Variants in TUSC3 observed in about 807,000 individuals in gnomAD.
The protein encoded by TUSC3 is tumor suppressor candidate 3.
In TUSC3, 45 loss-of-function variants were observed where a neutral mutation model predicts 44.8. The ratio of observed to expected loss-of-function variants is 1.00; its 90% CI spans 0.79 to 1.29. The LOEUF is 1.29. Ranked by LOEUF, TUSC3 falls within the 50% of genes most tolerant of loss-of-function variation. The pLI is 0.00. For missense variants in TUSC3, 519 were observed against 437.9 expected (o/e 1.19, Z -1.65); for synonymous variants, 212 against 152.9 (o/e 1.39, Z -2.85).
intron 1 of TUSC3, among the ~76,000 whole-genome samples, chr8:15,554,341 A>G (rs1043288420): frequency 6.6e-6 from 1 of 151,734 alleles, no homozygotes; most frequent in African/African-American, 2.4e-5. Context: ...ATTGCTAGGC[A>G]GAAGCTTGCA....
intron 5 of TUSC3, among the ~76,000 whole-genome samples, chr8:15,673,040 C>G (rs909370267): frequency 1.3e-5 from 2 of 152,030 alleles, no homozygotes; most frequent in Non-Finnish European, 2.9e-5. Context: ...GTGATTTAAA[C>G]AAAACATGCT....
At chr8:15,637,593 T>C (rs1448336165) in intron 2 of TUSC3, among the ~76,000 whole-genome samples, 1 of 152,218 alleles carries the variant, frequency 6.6e-6, no homozygotes. Flanking sequence ...ATTTTTATTC[T>C]TTCTGATTTA....
chr8:15,786,392 A>G, the TUSC3 span, among the ~76,000 whole-genome samples: 2 of 152,242 alleles, frequency 1.3e-5, no homozygotes, highest in Non-Finnish European at 2.9e-5. Context: ...AAATATTTTA[A>G]TGTGTCTTTA....
At chr8:15,461,095 T>C (rs559213427) in intron 1 of TUSC3, among the ~76,000 whole-genome samples, 101 of 152,318 alleles carry the variant, frequency 6.6e-4, no homozygotes, top group African/African-American at 2.3e-3. Context: ...GGGGATTGCA[T>C]TGAATGTGTA....
At chr8:15,506,494 A>T (rs1334274764) in intron 2 of TUSC3, among the ~76,000 whole-genome samples, 2 of 152,202 alleles carry the variant, frequency 1.3e-5, no homozygotes, top group African/African-American at 4.8e-5. Flanking sequence ...GTTATGAAGA[A>T]ATACCAAGAC....
At position 15,581,801 on chromosome 8, in the gene TUSC3, G is replaced by A. The variant is rs577327292; in HGVS notation, c.138+41233G>A. Among the ~76,000 whole-genome samples the A allele has an allele frequency of 7.9e-4, 106 of 133,976 alleles. 1 individual carries two copies. The highest frequency in any genetic ancestry group is 3.0e-3 in the African/African-American group (95 of 31,686). 87.9% of individuals were successfully genotyped at this position (133,976 alleles called of 152,430 possible). A position where few individuals can be genotyped will look rare whatever the true frequency, so the allele number is the denominator to read the frequency against. ...TCTGTGCCCTGCCCCCAGAGGTGGA[G>A]CCTACAGAGGCAGGCAGGCCTCCTT... On this transcript the variant is annotated intron_variant, in intron 1 of 10. Coordinates refer to ENST00000503731, the MANE Select transcript of TUSC3 (RefSeq NM_006765.4).
chr8:15,555,213 A>T (rs1394912703), intron 1 of TUSC3, among the ~76,000 whole-genome samples: 13 of 103,664 alleles, frequency 1.3e-4, no homozygotes, highest in Non-Finnish European at 1.7e-4. Flanking sequence ...TAGTGGTGTG[A>T]TCTTGGCTTA....
At chr8:15,672,147 C>T (rs1197802266) in intron 5 of TUSC3, among the ~76,000 whole-genome samples, 1 of 151,932 alleles carries the variant, frequency 6.6e-6, no homozygotes, top group Non-Finnish European at 1.5e-5. Context: ...CTGAATGGAG[C>T]ATGCAGTGCC....
At chr8:15,808,618 G>A in the TUSC3 span, among the ~76,000 whole-genome samples, 1 of 152,164 alleles carries the variant, frequency 6.6e-6, no homozygotes, top group Non-Finnish European at 1.5e-5. Flanking sequence ...GAACATGGAA[G>A]ACAGAAGCAG....
intron 2 of TUSC3, among the ~76,000 whole-genome samples, chr8:15,510,694 C>G (rs956448934): frequency 2.0e-5 from 3 of 151,920 alleles, no homozygotes; most frequent in Admixed American, 6.6e-5. Flanking sequence ...ACAAACTGTT[C>G]CTGAAAATTT....
chr8:15,498,623 T>C (rs1046567957), intron 2 of TUSC3, among the ~76,000 whole-genome samples: 3 of 152,230 alleles, frequency 2.0e-5, no homozygotes, highest in Non-Finnish European at 4.4e-5. Context: ...GAGTTGGAAA[T>C]AACCTATGTT....
intron 6 of TUSC3, among the ~76,000 whole-genome samples, chr8:15,684,044 T>C (rs1020308981): frequency 6.6e-6 from 1 of 150,834 alleles, no homozygotes; most frequent in Non-Finnish European, 1.5e-5. Flanking sequence ...GGCCTGAAAA[T>C]AGGATCTTAG....
At chr8:15,810,984 T>C in the TUSC3 span, among the ~76,000 whole-genome samples, 2 of 152,186 alleles carry the variant, frequency 1.3e-5, no homozygotes, top group Non-Finnish European at 2.9e-5. Flanking sequence ...CTTATAGACA[T>C]TCTCCTTAGA....
At position 15,751,132 on chromosome 8, in the gene TUSC3, A is replaced by G. The variant is rs566748230; in HGVS notation, c.1028+2667A>G. 4.6e-5 allele frequency among the ~76,000 whole-genome samples: 7 copies of G among 152,274 alleles called. No homozygotes were observed. The South Asian group carries it at 1.0e-3, about 23-fold the overall frequency. ...TACGAGATTGACTTAGGCAAGCTAA[A>G]TAGAGTTTGGGTTGCTCTGTTAGGC... On this transcript the variant is annotated intron_variant, in intron 9 of 10. Transcript: ENST00000503731.
At chr8:15,476,652 T>G (rs1051702673) in intron 1 of TUSC3, among the ~76,000 whole-genome samples, 4 of 152,278 alleles carry the variant, frequency 2.6e-5, no homozygotes, top group Non-Finnish European at 5.9e-5. Context: ...TGGGAAAGAA[T>G]GAAGCAACAA....
intron 1 of TUSC3, among the ~76,000 whole-genome samples, chr8:15,552,742 G>A (rs1331440314): frequency 1.3e-5 from 2 of 151,648 alleles, no homozygotes; most frequent in African/African-American, 2.4e-5. Context: ...ATCTGAACTT[G>A]ATCCTGAAAT....
chr8:15,543,910 TTGTGTG>T (rs34091995), intron 1 of TUSC3, among the ~76,000 whole-genome samples: 3 of 148,806 alleles, frequency 2.0e-5, no homozygotes, highest in Non-Finnish European at 3.0e-5. Flanking sequence ...TCCCATGGAT[TTGTGTG>T]TGTGTGTGTG....
downstream of TUSC3, among the ~76,000 whole-genome samples, chr8:15,767,628 G>A (rs1266419641): frequency 6.6e-6 from 1 of 152,124 alleles, no homozygotes; most frequent in African/African-American, 2.4e-5. Context: ...GAAGACTGCA[G>A]CCTGCATTCC....
At chr8:15,629,306 A>C (rs1428745564) in intron 2 of TUSC3, among the ~76,000 whole-genome samples, 7 of 152,112 alleles carry the variant, frequency 4.6e-5, no homozygotes, top group Non-Finnish European at 7.4e-5. Flanking sequence ...CTGTTAAGTA[A>C]TTGTGGTAGA....
Sources: gnomAD v4.1 joint callset for allele counts (sites outside exome capture counted in the v4.1 genomes callset) on GRCh38, gnomAD v4.1.1 for gene constraint, MANE v1.5 for transcripts, NCBI Gene and HGNC (gene_info 2026-07-23, HGNC 2026-07-21) for gene names.